The following PDK3 variants were observed in gnomAD, a reference collection of about 807,000 sequenced individuals.
The protein encoded by PDK3 is pyruvate dehydrogenase kinase, isozyme 3.
A neutral mutation model predicts 32.0 loss-of-function variants in PDK3; 12 were observed. The observed-to-expected ratio is 0.37, with a 90% CI of 0.24 to 0.61. The LOEUF (loss-of-function observed/expected upper bound fraction) is 0.61. Ranked by LOEUF, PDK3 falls within the 20% of genes least tolerant of loss-of-function variation. PDK3 has a pLI of 0.65. For synonymous variants in PDK3, 122 were observed against 116.3 expected, an observed-to-expected ratio of 1.05 and a Z score of -0.31; for missense variants, 188 against 316.9, an observed-to-expected ratio of 0.59 and a Z score of 3.09.
At chrX:24,499,473 G>T (rs914622196) in intron 3 of PDK3, among the ~76,000 whole-genome samples, 1 of 111,586 alleles carries the variant, frequency 9.0e-6, no homozygotes, top group African/African-American at 3.3e-5. Context: ...CCCTCCAAGA[G>T]AAATTAAATA....
chrX:24,500,589 C>T (rs764222470), intron 3 of PDK3, among the ~76,000 whole-genome samples: 25 of 112,321 alleles, frequency 2.2e-4, no homozygotes, highest in Admixed American at 7.6e-4. Flanking sequence ...TAGCTGAGCT[C>T]TCACTCCGTG....
chrX:24,523,796 T>C (rs912747829), intron 6 of PDK3, among the ~76,000 whole-genome samples: 4 of 111,850 alleles, frequency 3.6e-5, no homozygotes, highest in Non-Finnish European at 5.6e-5. Flanking sequence ...TCAAGCCAAG[T>C]TGAAAAGTCT....
chrX:24,471,949 T>C (rs1422751557), intron 1 of PDK3, among the ~76,000 whole-genome samples: 1 of 112,108 alleles, frequency 8.9e-6, no homozygotes, highest in Admixed American at 9.5e-5. Flanking sequence ...GCTCTAAATA[T>C]GTCTCTAAAT....
chrX:24,534,364 C>G lies in PDK3; in HGVS notation c.*292C>G, dbSNP rs940672233. On this transcript the variant is annotated 3_prime_UTR_variant, in exon 11 of 11. Coordinates refer to ENST00000379162, the MANE Select transcript of PDK3 (RefSeq NM_005391.5). ...AAGGACATTCTGATATGTGCTGCAA[C>G]ATGGGTGAATCTTGAAGTCATTATG... is the stretch of plus-strand genomic sequence containing the variant. 3.7e-5 allele frequency: 13 copies of G among 347,174 alleles called. No individual in the cohort carries two copies. In the Admixed American group the frequency reaches 8.5e-4, roughly 23 times the overall value. The allele number at this position is 347,174 out of a possible 1,213,427, so 28.6% of individuals were successfully genotyped here. A position where few individuals can be genotyped will look rare whatever the true frequency, so the allele number is the denominator to read the frequency against.
chrX:24,531,759 A>G lies in PDK3; in HGVS notation c.1066A>G (p.Ile356Val). Residue 356 changes from isoleucine (I) to valine (V), a missense_variant, in exon 10 of 11, where the codon ATT (isoleucine) becomes GTT (valine). Transcript: ENST00000379162. The stretch of plus-strand genomic sequence containing the variant: ...GGAAGGAGTGGGTACTGATGCTGTC[A>G]TTTATTTGAAGGTACTGCGTTTTAT... ...SMEGVGTDAV[I>V]YLKALSSESF... 9.0e-7 allele frequency: 1 copy of G among 1,112,546 alleles called. No individual in the cohort carries two copies. Among genetic ancestry groups the G allele is most frequent in the Non-Finnish European group, 1.2e-6 (1 of 808,673 alleles). The allele number at this position is 1,112,546 out of a possible 1,213,427, so 91.7% of individuals were successfully genotyped here.
chrX:24,470,469 A>G (rs1040599668), intron 1 of PDK3, among the ~76,000 whole-genome samples: 1 of 110,809 alleles, frequency 9.0e-6, no homozygotes, highest in African/African-American at 3.3e-5. Flanking sequence ...GGTGGATCAC[A>G]TGGGGTTGGG....
intron 5 of PDK3, among the ~76,000 whole-genome samples, chrX:24,506,343 G>A (rs1324431013): frequency 8.9e-6 from 1 of 112,041 alleles, no homozygotes; most frequent in Non-Finnish European, 1.9e-5. Flanking sequence ...AAAGGCCTCC[G>A]GGGGCAAGGA....
intron 3 of PDK3, 87 bp from the exon 4 acceptor site, chrX:24,503,240 C>A: frequency 5.5e-6 from 3 of 545,911 alleles, no homozygotes; most frequent in Non-Finnish European, 5.6e-6. Context: ...TACCAGCAGA[C>A]AACTAGTCTG....
chrX:24,465,364 T>C lies in PDK3; in HGVS notation c.-92T>C, dbSNP rs1940051698. 1.7e-6 allele frequency: 1 copy of C among 599,440 alleles called. No individual in the cohort carries two copies. Among genetic ancestry groups the C allele is most frequent in the Non-Finnish European group, 2.5e-6 (1 of 403,908 alleles). The allele number at this position is 599,440 out of a possible 1,213,427, so 49.4% of individuals were successfully genotyped here. On this transcript the variant is annotated 5_prime_UTR_variant, in exon 1 of 11. Transcript: ENST00000379162. Reference sequence around the variant, plus strand: ...CCGAGATCGAGGCCGGGGTGCGCGCTTCGCAAACGTGCCCTATCCGTGCGG... The same window carrying C: ...CCGAGATCGAGGCCGGGGTGCGCGCCTCGCAAACGTGCCCTATCCGTGCGG...
rs868273678 is a variant in PDK3 at position 24,520,021 on chromosome X, C to T, written c.673+1011C>T. ...CAACCCGAGTGACATGGCGAAACCCCATCTCTACAAAAAATACAAAAATTA... is the reference window on the plus strand; with the variant it reads ...CAACCCGAGTGACATGGCGAAACCCTATCTCTACAAAAAATACAAAAATTA... On this transcript the variant is annotated intron_variant, in intron 6 of 10. Coordinates refer to ENST00000379162, the MANE Select transcript of PDK3 (RefSeq NM_005391.5). 5.4e-5 allele frequency among the ~76,000 whole-genome samples: 6 copies of T among 111,682 alleles called. No individual in the cohort carries two copies. The East Asian group carries it at 1.7e-3, about 32-fold the overall frequency.
chrX:24,481,896 A>G (rs758606529), intron 1 of PDK3, among the ~76,000 whole-genome samples: 14 of 111,917 alleles, frequency 1.3e-4, no homozygotes, highest in Non-Finnish European at 2.1e-4. Flanking sequence ...AATCTTCCCA[A>G]TTTTACACAT....
exon 12 of PDK3, chrX:24,545,750 T>C (rs756709790): frequency 9.0e-6 from 1 of 111,693 alleles, no homozygotes; most frequent in Non-Finnish European, 1.9e-5. Context: ...ATCGCAATAC[T>C]GTCCAGTGTC....
downstream of PDK3, among the ~76,000 whole-genome samples, chrX:24,538,337 A>G (rs961552884): frequency 8.9e-6 from 1 of 112,281 alleles, no homozygotes; most frequent in Non-Finnish European, 1.9e-5. Context: ...AATAATCGGT[A>G]GAGATTTGGG....
chrX:24,517,150 A>G (rs181920735), intron 5 of PDK3, among the ~76,000 whole-genome samples: 14 of 111,882 alleles, frequency 1.3e-4, no homozygotes, highest in Admixed American at 9.5e-4. Flanking sequence ...ATTATCTCCA[A>G]TAAAGATTTT....
chrX:24,540,478 A>G (rs1171495303), exon 12 of PDK3, among the ~76,000 whole-genome samples: 1 of 112,174 alleles, frequency 8.9e-6, no homozygotes, highest in Non-Finnish European at 1.9e-5. Flanking sequence ...TACCGATGCA[A>G]TTAGCTCCTC....
chrX:24,534,270 G>A lies in PDK3; in HGVS notation c.*198G>A. On this transcript the variant is annotated 3_prime_UTR_variant, in exon 11 of 11. Coordinates refer to ENST00000379162, the MANE Select transcript of PDK3 (RefSeq NM_005391.5). ...GTTGTAGGTTGAAACTGAAAAATAAGTTAAAATGATCAATCAAGATAAAAG... is the reference window on the plus strand; with the variant it reads ...GTTGTAGGTTGAAACTGAAAAATAAATTAAAATGATCAATCAAGATAAAAG... The A allele has an allele frequency of 6.4e-6, 6 of 930,726 alleles. No individual in the cohort carries two copies. The highest frequency in any genetic ancestry group is 8.1e-6 in the Non-Finnish European group (6 of 742,343). 76.7% of individuals were successfully genotyped at this position (930,726 alleles called of 1,213,427 possible).
chrX:24,520,495 A>G (rs761049219), intron 6 of PDK3, among the ~76,000 whole-genome samples: 22 of 112,478 alleles, frequency 2.0e-4, no homozygotes, highest in Non-Finnish European at 3.8e-4. Context: ...TACAAATAGC[A>G]GCTCTCTGGG....
chrX:24,485,070 A>G (rs187653505), intron 1 of PDK3, among the ~76,000 whole-genome samples: 25 of 112,160 alleles, frequency 2.2e-4, no homozygotes, highest in Admixed American at 1.6e-3. Flanking sequence ...TAATGGGGCC[A>G]GGCGCTATGG....
intron 5 of PDK3, among the ~76,000 whole-genome samples, chrX:24,517,285 C>T (rs369410896): frequency 2.7e-5 from 3 of 110,075 alleles, no homozygotes; most frequent in East Asian, 2.9e-4. Context: ...TGCAGTGGCA[C>T]GATCTCGGCT....
Sources: allele counts gnomAD v4.1 joint callset (sites outside exome capture counted in the v4.1 genomes callset), GRCh38; gene constraint gnomAD v4.1.1; transcripts MANE v1.5; gene names NCBI Gene and HGNC (gene_info 2026-07-23, HGNC 2026-07-21).